The following CCDC33 variants were observed in gnomAD, a reference collection of about 807,000 sequenced individuals.
The protein encoded by CCDC33 is coiled-coil domain containing 33.
CCDC33 carries 94 observed loss-of-function variants against 91.9 expected under a neutral mutation model. The observed-to-expected ratio is 1.02, with a 90% CI of 0.87 to 1.21. The LOEUF is 1.21. CCDC33 is among the 50% of genes most tolerant of loss of function. CCDC33 has a pLI of 0.00. For missense variants in CCDC33, 940 were observed against 935.5 expected (o/e 1.00, Z -0.06); for synonymous variants, 396 against 374.5 (o/e 1.06, Z -0.66).
intron 2 of CCDC33, among the ~76,000 whole-genome samples, chr15:74,211,828 CCTTTCCTTCTGTCTCTCTCTA>C (rs989455910): frequency 2.0e-5 from 3 of 152,228 alleles, no homozygotes; most frequent in African/African-American, 4.8e-5. Context: ...CAGTCTCCCT[CCTTTCCTTCTGTCTCTCTCTA>C]CTTTCCTTCT....
rs1245490087 is a variant in CCDC33 at position 74,218,069 on chromosome 15, G to T, written c.311-428G>T. Among the ~76,000 whole-genome samples the T allele has an allele frequency of 2.0e-5, 3 of 152,070 alleles. No individual in the cohort carries two copies. The highest frequency in any genetic ancestry group is 2.9e-5 in the Non-Finnish European group (2 of 68,036). The stretch of plus-strand genomic sequence containing the variant: ...CTCCAAGCAGAGAAAAGTAAAGTGA[G>T]CTGGAATGAGAAGGAAATCCATGCC... On this transcript the variant is annotated intron_variant, in intron 1 of 2. Transcript: ENST00000635913. The surrounding 1 kb of genome is among the most constrained non-coding windows in gnomAD (Gnocchi z 4.8).
chr15:74,228,920 G>C (rs2074884743), intron 2 of CCDC33, among the ~76,000 whole-genome samples: 1 of 152,194 alleles, frequency 6.6e-6, no homozygotes, highest in African/African-American at 2.4e-5. Flanking sequence ...AGCGAAGGGT[G>C]GCGGGCGCTG....
chr15:74,219,476 T>C (rs1482122198), intron 2 of CCDC33, among the ~76,000 whole-genome samples: 2 of 152,194 alleles, frequency 1.3e-5, no homozygotes, highest in Non-Finnish European at 2.9e-5. Context: ...CAACATTTCC[T>C]GGAAACCTTA....
chr15:74,255,612 G>A (rs577841558), intron 2 of CCDC33, among the ~76,000 whole-genome samples: 26 of 152,370 alleles, frequency 1.7e-4, no homozygotes, highest in Admixed American at 1.1e-3. Flanking sequence ...GGGACTAGCC[G>A]GGGACTGTGG....
rs554237906 is a variant in CCDC33 at position 74,225,319 on chromosome 15, G to A, written c.675+6458G>A. On this transcript the variant is annotated intron_variant, in intron 2 of 2. Coordinates refer to the CCDC33 transcript ENST00000635913. ...AAATTATCTTCACAGTGAAGGAAGC[G>A]GGCATAATGTGCAGGAAGGCCCAGT... Among the ~76,000 whole-genome samples the A allele has an allele frequency of 1.9e-3, 294 of 151,994 alleles. 1 individual carries two copies. Among genetic ancestry groups the A allele is most frequent in the Middle Eastern group, 6.8e-3 (2 of 294 alleles).
intron 2 of CCDC33, among the ~76,000 whole-genome samples, chr15:74,247,761 C>T (rs1188423694): frequency 2.0e-5 from 3 of 152,030 alleles, no homozygotes; most frequent in Middle Eastern, 3.2e-3. Context: ...ATTTAATATG[C>T]AGCAGGTGAC....
intron 10 of CCDC33, among the ~76,000 whole-genome samples, chr15:74,288,164 C>G (rs1352745264): frequency 6.6e-6 from 1 of 152,214 alleles, no homozygotes; most frequent in African/African-American, 2.4e-5. Flanking sequence ...TCTCCATCCT[C>G]TACTAGCTCC....
At chr15:74,287,976 C>T (rs553680109) in intron 10 of CCDC33, among the ~76,000 whole-genome samples, 1 of 152,264 alleles carries the variant, frequency 6.6e-6, no homozygotes, top group South Asian at 2.1e-4. Flanking sequence ...ATGCCTGAAT[C>T]CCCCTATAGT....
chr15:74,268,940 A>G (rs1281526552), intron 5 of CCDC33, among the ~76,000 whole-genome samples: 1 of 152,232 alleles, frequency 6.6e-6, no homozygotes, highest in Non-Finnish European at 1.5e-5. Flanking sequence ...CTGTGTCTAA[A>G]GAGGTTTGAC....
At chr15:74,281,935 A>C in intron 10 of CCDC33, 86 bp downstream of exon 10, 1 of 1,238,114 alleles carries the variant, frequency 8.1e-7, no homozygotes, top group Non-Finnish European at 1.2e-6. Flanking sequence ...GGCTTTGTTC[A>C]GGGACTTCTG....
At chr15:74,246,103 C>A (rs1293880798) in intron 2 of CCDC33, among the ~76,000 whole-genome samples, 1 of 152,178 alleles carries the variant, frequency 6.6e-6, no homozygotes, top group Non-Finnish European at 1.5e-5. Context: ...ACAAAGCACA[C>A]AATAGGCATA....
chr15:74,220,839 A>G (rs1399289350), intron 2 of CCDC33, among the ~76,000 whole-genome samples: 1 of 152,206 alleles, frequency 6.6e-6, no homozygotes, highest in Admixed American at 6.5e-5. Context: ...CAGACAATGA[A>G]GACAGGTCCT....
At chr15:74,211,655 C>T (rs751325943) in intron 2 of CCDC33, among the ~76,000 whole-genome samples, 2 of 152,064 alleles carry the variant, frequency 1.3e-5, no homozygotes, top group Non-Finnish European at 2.9e-5. Context: ...CTGCCCACCT[C>T]GGCCTCCCAA....
chr15:74,290,218 C>G (rs980863727), intron 10 of CCDC33, among the ~76,000 whole-genome samples: 2 of 149,278 alleles, frequency 1.3e-5, no homozygotes, highest in Non-Finnish European at 3.0e-5. Flanking sequence ...TGACCTGTTG[C>G]CCAGGCTGGA....
At chr15:74,314,814 T>C (rs1333955818) in intron 11 of CCDC33, among the ~76,000 whole-genome samples, 1 of 152,168 alleles carries the variant, frequency 6.6e-6, no homozygotes, top group Non-Finnish European at 1.5e-5. Context: ...ATGTCCCGCC[T>C]CCGGGAGCTG....
At chr15:74,336,332 AG>A, downstream of CCDC33, 1 of 1,375,082 alleles carries the variant, frequency 7.3e-7, no homozygotes, top group Non-Finnish European at 9.6e-7. Context: ...CTTCCAAAGC[AG>A]GGGCCAGGGA....
At position 74,242,089 on chromosome 15, in the gene CCDC33, G is replaced by T. The variant is rs141043310; in HGVS notation, c.22-1896G>T. Among the ~76,000 whole-genome samples the T allele has an allele frequency of 4.4e-3, 670 of 152,290 alleles. 3 individuals carry two copies. The highest frequency in any genetic ancestry group is 5.1e-3 in the Non-Finnish European group (344 of 68,006). On this transcript the variant is annotated intron_variant, in intron 1 of 18. Transcript: ENST00000398814. Reference sequence around the variant, plus strand: ...TGAAATAACGTTCCTAAAACTCCTCGGGGCAGAGCAGAGCCTCAGGCACTG... The same window carrying T: ...TGAAATAACGTTCCTAAAACTCCTCTGGGCAGAGCAGAGCCTCAGGCACTG...
chr15:74,246,031 A>G (rs1268568719), intron 2 of CCDC33, among the ~76,000 whole-genome samples: 1 of 152,250 alleles, frequency 6.6e-6, no homozygotes, highest in Non-Finnish European at 1.5e-5. Flanking sequence ...CCAGACCCTC[A>G]GAGGCCATAG....
intron 11 of CCDC33, among the ~76,000 whole-genome samples, chr15:74,321,225 C>A (rs80259600): frequency 6.6e-6 from 1 of 151,998 alleles, no homozygotes; most frequent in East Asian, 1.9e-4. Context: ...GTGGTTAATT[C>A]GCTTTATTTT....
Sources: allele counts gnomAD v4.1 joint callset (sites outside exome capture counted in the v4.1 genomes callset), GRCh38; gene constraint gnomAD v4.1.1; non-coding constraint Gnocchi (gnomAD v3.1); transcripts MANE v1.5; gene names NCBI Gene and HGNC (gene_info 2026-07-23, HGNC 2026-07-21).